Variants in DDX27 observed in about 807,000 individuals in gnomAD.
DDX27 encodes the protein DEAD-box helicase 27.
Under a neutral mutation model 99.3 loss-of-function variants are expected in DDX27, and 42 were observed. The ratio of observed to expected loss-of-function variants is 0.42; its 90% CI spans 0.33 to 0.55. The LOEUF is 0.55. DDX27 is among the 20% of genes least tolerant of loss of function. The pLI is 0.07. For synonymous variants in DDX27, 329 were observed against 353.8 expected (o/e 0.93, Z 0.79); for missense variants, 798 against 976.8 (o/e 0.82, Z 2.44).
chr20:49,241,814 T>C (rs762792204), intron 16 of DDX27, 79 bp from the exon 17 acceptor site: 1 of 1,479,718 alleles, frequency 6.8e-7, no homozygotes, highest in South Asian at 1.2e-5. Flanking sequence ...ACTTACCAAT[T>C]GAAAACGTGC....
intron 4 of DDX27, among the ~76,000 whole-genome samples, chr20:49,224,455 C>T (rs771806621): frequency 4.0e-5 from 6 of 151,642 alleles, no homozygotes; most frequent in Non-Finnish European, 1.5e-5. Context: ...CTCTGCCTCC[C>T]GGGTGCAAGC....
intron 19 of DDX27, 116 bp downstream of exon 19, chr20:49,242,797 C>T: frequency 1.0e-6 from 1 of 960,520 alleles, no homozygotes; most frequent in Non-Finnish European, 1.6e-6. Flanking sequence ...TCTTAGCTCA[C>T]TGCAAGCTCC....
chr20:49,223,824 T>C (rs1245526822), intron 4 of DDX27, among the ~76,000 whole-genome samples: 2 of 152,110 alleles, frequency 1.3e-5, no homozygotes. Context: ...GAGGTTGCAG[T>C]GAGCTGAGAT....
rs762914845 is a variant in DDX27, at chr20:49,219,548, GCACGGTT to G, written c.93+9_93+15del. On this transcript the variant is annotated splice_region_variant and intron_variant, in intron 1 of 20. Coordinates refer to ENST00000618172, the MANE Select transcript of DDX27 (RefSeq NM_017895.8). ...CGGGGACGAGGAAGAGGAGGTATGA[GCACGGTT>G]CTGGTCTTTGGGTTTCCTTGACTGC... 1 of 1,612,626 alleles carries G rather than the reference GCACGGTT, an allele frequency of 6.2e-7. No individual in the cohort carries two copies. Among genetic ancestry groups the G allele is most frequent in the Non-Finnish European group, 8.5e-7 (1 of 1,179,176 alleles).
At position 49,222,958 on chromosome 20, in the gene DDX27, G is replaced by A. The variant is rs1979743227; in HGVS notation, c.242G>A (p.Arg81Lys). The change falls in exon 3 of 21, where the codon AGG becomes AAG. Residue 81 changes from arginine (R) to lysine (K), a missense_variant and splice_region_variant. Coordinates refer to ENST00000618172, the MANE Select transcript of DDX27 (RefSeq NM_017895.8). ...ADVMSQLKKK[R>K]AATTLDEKIE... ...TCACCTCTTTATTTTTATCTGCAGA[G>A]GGCAGCCACTACATTAGATGAGAAG... 2 of 1,610,840 alleles carry A rather than the reference G, an allele frequency of 1.2e-6. No homozygotes were observed. The highest frequency in any genetic ancestry group is 1.7e-6 in the Non-Finnish European group (2 of 1,178,542).
intron 7 of DDX27, among the ~76,000 whole-genome samples, chr20:49,227,703 A>G (rs1460957667): frequency 6.6e-6 from 1 of 152,078 alleles, no homozygotes; most frequent in Non-Finnish European, 1.5e-5. Context: ...TAAACAGTGC[A>G]TGAGAGGATG....
intron 11 of DDX27, chr20:49,234,718 T>A: frequency 2.1e-6 from 1 of 468,410 alleles, no homozygotes; most frequent in Non-Finnish European, 3.7e-6. Context: ...AGCCCTTAGC[T>A]GCTTCCCCCT....
chr20:49,228,195 T>G (rs1433328106), intron 7 of DDX27, among the ~76,000 whole-genome samples: 1 of 151,430 alleles, frequency 6.6e-6, no homozygotes, highest in Non-Finnish European at 1.5e-5. Context: ...CAGGCTAGAG[T>G]GCAGTGGTGC....
intron 6 of DDX27, among the ~76,000 whole-genome samples, chr20:49,225,825 G>C (rs1366713689): frequency 2.2e-4 from 33 of 151,994 alleles, no homozygotes; most frequent in Admixed American, 2.2e-3. Context: ...GTACTTCCCA[G>C]TCTCACTCTT....
intron 7 of DDX27, among the ~76,000 whole-genome samples, chr20:49,228,465 G>T (rs1275576451): frequency 6.7e-6 from 1 of 149,560 alleles, no homozygotes; most frequent in Non-Finnish European, 1.5e-5. Flanking sequence ...TAGAATTGGG[G>T]CTTCACTATG....
Position 49,219,417 on chromosome 20 carries a change from T to G in DDX27, c.-32T>G, listed in dbSNP as rs779809768. 2.5e-6 allele frequency: 4 copies of G among 1,613,876 alleles called. No homozygotes were observed. The highest frequency in any genetic ancestry group is 1.7e-5 in the Admixed American group (1 of 60,008). On this transcript the variant is annotated 5_prime_UTR_variant, in exon 1 of 21. Transcript: ENST00000618172. ...AAGTTAAGGGCCGGACCGCAGGCTG[T>G]GCTCGCTTCCGGAAGTGGCTTCTGC...
intron 8 of DDX27, 102 bp downstream of exon 8, chr20:49,228,990 A>G: frequency 1.0e-6 from 1 of 988,460 alleles, no homozygotes; most frequent in South Asian, 2.0e-5. Context: ...GTGCCAGGAG[A>G]GGCCTTTGTG....
chr20:49,227,436 G>A (rs1248301148), intron 7 of DDX27, among the ~76,000 whole-genome samples: 3 of 152,046 alleles, frequency 2.0e-5, no homozygotes, highest in South Asian at 4.2e-4. Flanking sequence ...GCGCAATCTC[G>A]GCTCACTGCA....
At chr20:49,240,718 C>T (rs1002085798) in intron 16 of DDX27, among the ~76,000 whole-genome samples, 2 of 152,102 alleles carry the variant, frequency 1.3e-5, no homozygotes, top group Non-Finnish European at 2.9e-5. Context: ...TGAGCCACTG[C>T]ACTCGGCCCC....
At position 49,242,217 on chromosome 20, in the gene DDX27, G is replaced by T; in HGVS notation, c.2116+11G>T. ...CAGTGAGAGGTCCTGGTAGGTGAATGGGGAGCCCAAAGGAGCTTGTACAAG... is the reference window on the plus strand; with the variant it reads ...CAGTGAGAGGTCCTGGTAGGTGAATTGGGAGCCCAAAGGAGCTTGTACAAG... On this transcript the variant is annotated intron_variant, in intron 18 of 20. Coordinates refer to ENST00000618172, the MANE Select transcript of DDX27 (RefSeq NM_017895.8). 1 of 1,613,826 alleles carries T rather than the reference G, an allele frequency of 6.2e-7. No individual in the cohort carries two copies. Among genetic ancestry groups the T allele is most frequent in the South Asian group, 1.1e-5 (1 of 91,018 alleles).
chr20:49,238,294 G>C (rs1041266083), intron 14 of DDX27: 1 of 152,820 alleles, frequency 6.5e-6, no homozygotes, highest in African/African-American at 2.4e-5. Flanking sequence ...TGGGATTACA[G>C]GCTTGAGCCA....
At chr20:49,224,045 A>T (rs1568971560) in intron 4 of DDX27, among the ~76,000 whole-genome samples, 1 of 146,510 alleles carries the variant, frequency 6.8e-6, no homozygotes, top group Non-Finnish European at 1.5e-5. Flanking sequence ...CGCCTGGCTA[A>T]TTTTTTTTTT....
Position 49,242,194 on chromosome 20 carries a change from G to C in DDX27, c.2104G>C (p.Val702Leu), listed in dbSNP as rs763470929. 1 of 1,614,182 alleles carries C rather than the reference G, an allele frequency of 6.2e-7. No homozygotes were observed. Among genetic ancestry groups the C allele is most frequent in the South Asian group, 1.1e-5 (1 of 91,088 alleles). ...CCGAGCAATGCCCGAGGAGGAGCCA[G>C]TGAGAGGTCCTGGTAGGTGAATGGG... The part of the protein sequence containing the change: ...RARAMPEEEP[V>L]RGPAKKQKQG... The change falls in exon 18 of 21, where the codon GTG becomes CTG. Residue 702 changes from valine (V) to leucine (L), a missense_variant. Coordinates refer to ENST00000618172, the MANE Select transcript of DDX27 (RefSeq NM_017895.8).
intron 16 of DDX27, among the ~76,000 whole-genome samples, chr20:49,240,377 C>T (rs1980438859): frequency 6.6e-6 from 1 of 152,162 alleles, no homozygotes; most frequent in African/African-American, 2.4e-5. Context: ...CGCCTTTTCA[C>T]TTAATTTTGA....
Sources: allele counts gnomAD v4.1 joint callset (sites outside exome capture counted in the v4.1 genomes callset), GRCh38; gene constraint gnomAD v4.1.1; transcripts MANE v1.5; gene names NCBI Gene and HGNC (gene_info 2026-07-23, HGNC 2026-07-21).